The following CRLF3 variants were observed in gnomAD, a reference collection of about 807,000 sequenced individuals.
CRLF3 encodes the protein cytokine receptor like factor 3.
A neutral mutation model predicts 55.0 loss-of-function variants in CRLF3; 33 were observed. The ratio of observed to expected loss-of-function variants is 0.60; its 90% confidence interval spans 0.46 to 0.80. CRLF3 has a LOEUF of 0.80. Ranked by LOEUF, CRLF3 falls within the 30% of genes least tolerant of loss-of-function variation. The pLI is 0.00. For missense variants in CRLF3, 494 were observed against 538.4 expected, an observed-to-expected ratio of 0.92 and a Z score of 0.82; for synonymous variants, 238 against 196.8, an observed-to-expected ratio of 1.21 and a Z score of -1.75.
intron 2 of CRLF3, among the ~76,000 whole-genome samples, chr17:30,800,428 A>G (rs1780249158): frequency 6.6e-6 from 1 of 152,066 alleles, no homozygotes; most frequent in African/African-American, 2.4e-5. Flanking sequence ...ACTACGTACT[A>G]AGCACCCGCC....
At chr17:30,788,007 AAG>A (rs756468845) in intron 6 of CRLF3, among the ~76,000 whole-genome samples, 24 of 151,628 alleles carry the variant, frequency 1.6e-4, no homozygotes, top group African/African-American at 3.6e-4. Context: ...CTTAAACAAA[AAG>A]AGGGGGAGAG....
chr17:30,787,674 A>G (rs1211967623), intron 6 of CRLF3: 2 of 152,174 alleles, frequency 1.3e-5, no homozygotes, highest in Non-Finnish European at 2.9e-5. Context: ...AGGTTTCTGA[A>G]GTTATTTCAT....
In CRLF3 at chr17:30,795,959, AAAAT is replaced by A. The variant is rs200870496; in HGVS notation, c.603+197_603+200del. ...GTGAAAGAGCAAAACTCTGTCTCAA[AAAAT>A]AAATAAATAAAATAAAAATAAAACT... is the stretch of plus-strand genomic sequence containing the variant. On this transcript the variant is annotated intron_variant, in intron 4 of 7. Coordinates refer to ENST00000324238, the MANE Select transcript of CRLF3 (RefSeq NM_015986.4). Among the ~76,000 whole-genome samples, 200 of 152,314 alleles carry A rather than the reference AAAAT, an allele frequency of 1.3e-3. 3 individuals are homozygous for A. The East Asian group carries it at 0.033, about 25-fold the overall frequency.
intron 2 of CRLF3, among the ~76,000 whole-genome samples, chr17:30,801,629 C>T (rs1041618632): frequency 2.0e-5 from 3 of 151,838 alleles, no homozygotes; most frequent in Non-Finnish European, 4.4e-5. Context: ...TGGGGTTTTA[C>T]CATGTTGGCC....
chr17:30,792,847 T>C (rs564870985), intron 5 of CRLF3: 2 of 274,352 alleles, frequency 7.3e-6, no homozygotes, highest in Non-Finnish European at 1.4e-5. Context: ...CTTGAACTTA[T>C]TCCAACCTGA....
At chr17:30,797,099 C>T (rs1325373658) in intron 3 of CRLF3, among the ~76,000 whole-genome samples, 1 of 152,008 alleles carries the variant, frequency 6.6e-6, no homozygotes, top group East Asian at 1.9e-4. Flanking sequence ...ACATGTTGGC[C>T]AGGCTGGTCT....
At chr17:30,806,227 C>A (rs1904398412) in intron 1 of CRLF3, among the ~76,000 whole-genome samples, 1 of 152,120 alleles carries the variant, frequency 6.6e-6, no homozygotes, top group Admixed American at 6.5e-5. Context: ...AAAGCCTCTT[C>A]CTTTCAAAGT....
intron 1 of CRLF3, among the ~76,000 whole-genome samples, chr17:30,816,281 C>CAA (rs547414738): frequency 3.1e-5 from 2 of 64,346 alleles, no homozygotes; most frequent in Non-Finnish European, 3.2e-5. Flanking sequence ...GACTCCATCT[C>CAA]AAAAAAAAAA....
intron 1 of CRLF3, among the ~76,000 whole-genome samples, chr17:30,806,981 C>T (rs1904424948): frequency 1.3e-5 from 2 of 152,104 alleles, no homozygotes; most frequent in South Asian, 2.1e-4. Flanking sequence ...GGCATGGTGG[C>T]TCATGCCTGT....
At position 30,803,930 on chromosome 17, in the gene CRLF3, A is replaced by C; in HGVS notation, c.308T>G (p.Val103Gly). The C allele has an allele frequency of 6.2e-7, 1 of 1,611,858 alleles. No homozygotes were observed. The highest frequency in any genetic ancestry group is 8.5e-7 in the Non-Finnish European group (1 of 1,179,902). The change falls in exon 2 of 8, where the codon GTC becomes GGC. Residue 103 changes from valine to glycine, a missense_variant. By Grantham distance (109) the Val-to-Gly change is moderately radical. Transcript: ENST00000324238. ...DDCQKLIEHG[V>G]NTAEDLVREG... ...TCGGACTAAGTCCTCTGCAGTGTTG[A>C]CTCCGTGTTCTATGAGCTTCTGGCA... is the stretch of plus-strand genomic sequence containing the variant.
intron 1 of CRLF3, among the ~76,000 whole-genome samples, chr17:30,814,602 A>C (rs916129039): frequency 7.2e-5 from 11 of 151,746 alleles, no homozygotes; most frequent in African/African-American, 2.7e-4. Flanking sequence ...GGTTACGCTG[A>C]GCTGAGATCG....
intron 7 of CRLF3, among the ~76,000 whole-genome samples, chr17:30,785,368 C>T (rs1444262691): frequency 6.6e-6 from 1 of 151,896 alleles, no homozygotes; most frequent in African/African-American, 2.4e-5. Flanking sequence ...ATCCACCGCG[C>T]CCGGCCTCTG....
chr17:30,805,297 G>A (rs953100544), intron 1 of CRLF3, among the ~76,000 whole-genome samples: 7 of 152,206 alleles, frequency 4.6e-5, no homozygotes, highest in African/African-American at 1.7e-4. Flanking sequence ...GCTAAAAAAA[G>A]TTATAAATTA....
Position 30,793,441 on chromosome 17 carries a change from G to A in CRLF3, c.826+9C>T. On this transcript the variant is annotated intron_variant, in intron 5 of 7. Transcript: ENST00000324238. ...TTAGGCTTCAGGAGAGAAAAGGTTA[G>A]CAGCATACCATGAGGCACCAATGTG... The A allele has an allele frequency of 6.2e-7, 1 of 1,607,804 alleles. No individual in the cohort carries two copies. Among genetic ancestry groups the A allele is most frequent in the Non-Finnish European group, 8.5e-7 (1 of 1,174,342 alleles).
In CRLF3 at chr17:30,785,935, C is replaced by T. The variant is rs956955903; in HGVS notation, c.1056G>A (p.Val352=). The T allele has an allele frequency of 6.3e-7, 1 of 1,592,858 alleles. No individual in the cohort carries two copies. Among genetic ancestry groups the T allele is most frequent in the Admixed American group, 1.7e-5 (1 of 59,830 alleles). ...ATCTCTTACCATTTGTACTAATGCA[C>T]ACAGCTTGATCCCGCTGCAGAGAGT... ...GYDSLQRDQA[V]CISTNGAVFV... The change falls in exon 7 of 8, where the codon GTG becomes GTA. Residue 352 remains valine, a synonymous_variant. Coordinates refer to ENST00000324238, the MANE Select transcript of CRLF3 (RefSeq NM_015986.4).
At chr17:30,785,709 G>C (rs1017748748) in intron 7 of CRLF3, among the ~76,000 whole-genome samples, 1 of 151,274 alleles carries the variant, frequency 6.6e-6, no homozygotes, top group African/African-American at 2.4e-5. Context: ...TTGGGCCCAA[G>C]AATTTCAGGC....
intron 1 of CRLF3, chr17:30,809,862 G>C (rs886425662): frequency 1.3e-5 from 2 of 152,194 alleles, no homozygotes; most frequent in Non-Finnish European, 2.9e-5. Flanking sequence ...TGTGGCCCAG[G>C]CTGGTCTCGA....
chr17:30,789,710 G>A (rs1183082852), intron 6 of CRLF3, among the ~76,000 whole-genome samples: 1 of 152,082 alleles, frequency 6.6e-6, no homozygotes, highest in African/African-American at 2.4e-5. Flanking sequence ...AATCAAATGA[G>A]TTAATACAAG....
chr17:30,783,488 A>G lies in CRLF3; in HGVS notation c.*699T>C, dbSNP rs979046738. 6.6e-6 allele frequency: 1 copy of G among 152,134 alleles called. No individual in the cohort carries two copies. Among genetic ancestry groups the G allele is most frequent in the Non-Finnish European group, 1.5e-5 (1 of 68,064 alleles). The allele number at this position is 152,134 out of a possible 1,614,324, so 9.4% of individuals were successfully genotyped here. On this transcript the variant is annotated 3_prime_UTR_variant, in exon 8 of 8. Coordinates refer to ENST00000324238, the MANE Select transcript of CRLF3 (RefSeq NM_015986.4). ...AAAAATTAGCCAGGTGTGGTGGCCG[A>G]CGCCTGTAATCCCAGCTACTCAGGA... is the stretch of plus-strand genomic sequence containing the variant.
Sources: gnomAD v4.1 joint callset for allele counts (sites outside exome capture counted in the v4.1 genomes callset) on GRCh38, gnomAD v4.1.1 for gene constraint, MANE v1.5 for transcripts, NCBI Gene and HGNC (gene_info 2026-07-23, HGNC 2026-07-21) for gene names.